The following DPYD variants were observed in gnomAD, a reference collection of about 807,000 sequenced individuals.
DPYD encodes dihydropyrimidine dehydrogenase [NADP(+)].
In DPYD, 109 loss-of-function variants were observed where a neutral mutation model predicts 116.2. The ratio of observed to expected loss-of-function variants is 0.94; its 90% confidence interval spans 0.80 to 1.10. The LOEUF is 1.10. DPYD is among the 50% of genes least tolerant of loss of function. DPYD has a pLI of 0.00. For synonymous variants in DPYD, 440 were observed against 432.0 expected (o/e 1.02, Z -0.23); for missense variants, 1,302 against 1,254.5 (o/e 1.04, Z -0.57).
intron 3 of DPYD, among the ~76,000 whole-genome samples, chr1:97,748,729 C>A (rs1409412397): frequency 2.6e-5 from 4 of 152,178 alleles, no homozygotes; most frequent in African/African-American, 9.7e-5. Flanking sequence ...CACTGTACTT[C>A]AGGAAATCAA....
intron 11 of DPYD, among the ~76,000 whole-genome samples, chr1:97,557,831 GTA>G (rs1651857671): frequency 6.6e-6 from 1 of 152,168 alleles, no homozygotes; most frequent in African/African-American, 2.4e-5. Context: ...TGGATCTCTA[GTA>G]CATGGCAGGC....
At chr1:97,273,965 G>A (rs1160529069) in intron 18 of DPYD, among the ~76,000 whole-genome samples, 2 of 152,074 alleles carry the variant, frequency 1.3e-5, no homozygotes, top group African/African-American at 4.8e-5. Context: ...AAAGTTGAAG[G>A]AAACATTTAC....
intron 3 of DPYD, 84 bp downstream of exon 3, chr1:97,828,030 A>G (rs1669325234): frequency 2.3e-6 from 3 of 1,278,008 alleles, no homozygotes; most frequent in Non-Finnish European, 3.4e-6. Context: ...AATGGTGGCA[A>G]TGAACTCATT....
At chr1:97,626,993 AGG>A (rs1046673627) in intron 8 of DPYD, among the ~76,000 whole-genome samples, 9 of 152,014 alleles carry the variant, frequency 5.9e-5, no homozygotes, top group African/African-American at 9.7e-5. Context: ...TCATAGTTCT[AGG>A]AGCTGGAAAT....
At chr1:97,829,477 A>G in intron 2 of DPYD, among the ~76,000 whole-genome samples, 1 of 152,136 alleles carries the variant, frequency 6.6e-6, no homozygotes, top group Non-Finnish European at 1.5e-5. Flanking sequence ...ATATACATTA[A>G]AAGTATCCTC....
chr1:97,887,533 G>A (rs1474416053), intron 1 of DPYD, among the ~76,000 whole-genome samples: 1 of 144,752 alleles, frequency 6.9e-6, no homozygotes, highest in Non-Finnish European at 1.5e-5. Flanking sequence ...CCCTCCTCTA[G>A]AGGGGGTTTA....
chr1:97,171,108 A>T (rs1656691565), intron 20 of DPYD, among the ~76,000 whole-genome samples: 1 of 152,190 alleles, frequency 6.6e-6, no homozygotes, highest in African/African-American at 2.4e-5. Flanking sequence ...AGAAAAGCTA[A>T]AAGTCAAGTA....
At chr1:97,862,608 TACACTGTGC>T (rs1395074851) in intron 2 of DPYD, among the ~76,000 whole-genome samples, 4 of 151,934 alleles carry the variant, frequency 2.6e-5, no homozygotes, top group Non-Finnish European at 5.9e-5. Flanking sequence ...CTTCCTTATC[TACACTGTGC>T]ACACTGTGTG....
chr1:97,445,300 C>T (rs1356130549), intron 14 of DPYD, among the ~76,000 whole-genome samples: 1 of 152,220 alleles, frequency 6.6e-6, no homozygotes, highest in Non-Finnish European at 1.5e-5. Flanking sequence ...GTCTCTGCTT[C>T]ACCTTTTGAT....
chr1:97,781,951 C>T (rs1156373696), intron 3 of DPYD, among the ~76,000 whole-genome samples: 1 of 152,176 alleles, frequency 6.6e-6, no homozygotes, highest in Admixed American at 6.5e-5. Flanking sequence ...TAAGATCACA[C>T]AGAAACAGGA....
At chr1:97,484,772 T>C (rs1391072429) in intron 13 of DPYD, among the ~76,000 whole-genome samples, 2 of 152,246 alleles carry the variant, frequency 1.3e-5, no homozygotes, top group African/African-American at 4.8e-5. Flanking sequence ...ACTGTCACAG[T>C]TTTAACTTCC....
At chr1:97,913,992 T>C (rs1036939602) in intron 1 of DPYD, among the ~76,000 whole-genome samples, 10 of 152,048 alleles carry the variant, frequency 6.6e-5, no homozygotes, top group African/African-American at 2.4e-4. Flanking sequence ...TTCTTCAAAG[T>C]GGCTCAGTCA....
chr1:97,424,086 C>G (rs1347061755), intron 14 of DPYD, among the ~76,000 whole-genome samples: 1 of 152,014 alleles, frequency 6.6e-6, no homozygotes, highest in African/African-American at 2.4e-5. Context: ...CTAATGATAA[C>G]AAGAGACAAT....
chr1:97,663,848 C>G (rs1171953649), intron 8 of DPYD, among the ~76,000 whole-genome samples: 1 of 152,206 alleles, frequency 6.6e-6, no homozygotes, highest in Admixed American at 6.5e-5. Context: ...CACTCCTAAT[C>G]CCTGCCCCAG....
chr1:97,525,871 C>T (rs559358144), intron 12 of DPYD, among the ~76,000 whole-genome samples: 3 of 123,146 alleles, frequency 2.4e-5, no homozygotes, highest in East Asian at 2.3e-4. Context: ...TAAGAGTGTG[C>T]GTGTGTGTGT....
chr1:97,784,537 G>C (rs1666918843), intron 3 of DPYD, among the ~76,000 whole-genome samples: 1 of 152,014 alleles, frequency 6.6e-6, no homozygotes, highest in Non-Finnish European at 1.5e-5. Context: ...AAATGTTCTG[G>C]GTGGTTCTCA....
At chr1:97,081,783 A>G (rs1570424207) in intron 22 of DPYD, among the ~76,000 whole-genome samples, 1 of 142,168 alleles carries the variant, frequency 7.0e-6, no homozygotes, top group Non-Finnish European at 1.5e-5. Flanking sequence ...GAAAGTAGCT[A>G]TGGCTCACTT....
chr1:97,424,630 G>T (rs943813103), intron 14 of DPYD, among the ~76,000 whole-genome samples: 1 of 151,984 alleles, frequency 6.6e-6, no homozygotes, highest in Non-Finnish European at 1.5e-5. Context: ...TATATAGTTT[G>T]GGCTCACTAA....
rs184179217 is a variant in DPYD at position 97,700,147 on chromosome 1, G to T, written c.484-600C>A. ...GAGGAAAGTAAGAACAAAGTTAAGT[G>T]ACCAGAAGTCACTTTTCCCCTGAGG... On this transcript the variant is annotated intron_variant, in intron 5 of 22. Coordinates refer to ENST00000370192, the MANE Select transcript of DPYD (RefSeq NM_000110.4). 78 of 448,764 alleles carry T rather than the reference G, an allele frequency of 1.7e-4. 1 individual carries two copies. The Admixed American group carries it at 1.9e-3, about 11-fold the overall frequency. 27.8% of individuals were successfully genotyped at this position (448,764 alleles called of 1,614,324 possible).
Sources: allele counts gnomAD v4.1 joint callset (sites outside exome capture counted in the v4.1 genomes callset), GRCh38; gene constraint gnomAD v4.1.1; transcripts MANE v1.5; gene names NCBI Gene and HGNC (gene_info 2026-07-23, HGNC 2026-07-21).